The following IFT140 variants were observed in gnomAD, a reference collection of about 807,000 sequenced individuals.
IFT140 encodes intraflagellar transport 140, also known as intraflagellar transport protein 140 homolog.
IFT140 carries 133 observed loss-of-function variants against 164.6 expected under a neutral mutation model. The ratio of observed to expected loss-of-function variants is 0.81; its 90% CI spans 0.70 to 0.93. IFT140 has a LOEUF of 0.93. Among genes scored for constraint, IFT140 ranks in the 40% least tolerant of loss-of-function variants. The probability of loss-of-function intolerance (pLI) is 0.00; values close to 1 mark genes in which losing one functional copy is unlikely to be tolerated. For synonymous variants in IFT140, 860 were observed against 817.3 expected (o/e 1.05, Z -0.89); for missense variants, 2,045 against 1,972.3 (o/e 1.04, Z -0.70).
intron 13 of IFT140, 27 bp from the exon 14 acceptor site, chr16:1,571,561 A>G (rs1394232144): frequency 1.3e-6 from 2 of 1,599,402 alleles, no homozygotes; most frequent in Non-Finnish European, 1.7e-6. Context: ...AGAAATGGAT[A>G]TATTTCATGT....
At chr16:1,521,942 G>T (rs2040539966) in intron 26 of IFT140, among the ~76,000 whole-genome samples, 3 of 151,172 alleles carry the variant, frequency 2.0e-5, no homozygotes. Flanking sequence ...AAAGAATATG[G>T]CTGAGCATGG....
intron 19 of IFT140, chr16:1,554,173 C>T: frequency 7.9e-7 from 1 of 1,262,668 alleles, no homozygotes; most frequent in Non-Finnish European, 1.0e-6. Context: ...GCCCTGGCCC[C>T]ATCTCCGCCC....
In IFT140 at chr16:1,512,398, C is replaced by T. The variant is rs117143480; in HGVS notation, c.4183-1248G>A. ...CTGGGTGAGGTGGTGCACGTGACCCCGGGTGGCGCTACAGCAGCAGCCAGG... is the reference window on the plus strand; with the variant it reads ...CTGGGTGAGGTGGTGCACGTGACCCTGGGTGGCGCTACAGCAGCAGCCAGG... On this transcript the variant is annotated intron_variant, in intron 30 of 30. Transcript: ENST00000426508. Among the ~76,000 whole-genome samples, 1,195 of 152,158 alleles carry T rather than the reference C, an allele frequency of 7.9e-3. 14 individuals carry two copies. The highest frequency in any genetic ancestry group is 0.045 in the Middle Eastern group (13 of 292).
At chr16:1,537,804 C>T (rs930879122) in intron 19 of IFT140, among the ~76,000 whole-genome samples, 5 of 152,212 alleles carry the variant, frequency 3.3e-5, no homozygotes, top group African/African-American at 4.8e-5. Flanking sequence ...CGAGCCAGAG[C>T]CTGGCGCTAG....
At position 1,571,017 on chromosome 16, in the gene IFT140, A is replaced by G. The variant is rs562288512; in HGVS notation, c.1652+390T>C. On this transcript the variant is annotated intron_variant, in intron 14 of 30. Transcript: ENST00000426508. ...AGCAGTCTTCTCGCCTTGGCCTCCC[A>G]AAGTGCTGGAAATACAGGTGTGAGC... Among the ~76,000 whole-genome samples the G allele has an allele frequency of 1.2e-4, 18 of 152,304 alleles. 1 individual carries two copies. The South Asian group carries it at 3.7e-3, about 32-fold the overall frequency.
chr16:1,611,380 G>C (rs978979621), intron 1 of IFT140, among the ~76,000 whole-genome samples: 36 of 149,388 alleles, frequency 2.4e-4, no homozygotes, highest in African/African-American at 8.4e-4. Flanking sequence ...GGCGCCTCTA[G>C]TCTCGGCTAC....
At chr16:1,541,805 G>A in intron 19 of IFT140, 1 of 1,295,538 alleles carries the variant, frequency 7.7e-7, no homozygotes, top group South Asian at 1.5e-5. Context: ...TGGAGGCACA[G>A]CCTGTGCCGA....
intron 7 of IFT140, among the ~76,000 whole-genome samples, chr16:1,588,594 G>A (rs1201994626): frequency 1.3e-5 from 2 of 151,706 alleles, no homozygotes; most frequent in African/African-American, 2.4e-5. Context: ...GTGGCCATCG[G>A]TGGACATGCT....
Position 1,586,115 on chromosome 16 carries a change from C to T in IFT140, c.1155+15G>A, listed in dbSNP as rs764275810. 8 of 1,610,376 alleles carry T rather than the reference C, an allele frequency of 5.0e-6. No homozygotes were observed. The highest frequency in any genetic ancestry group is 2.2e-5 in the South Asian group (2 of 91,078). On this transcript the variant is annotated intron_variant, in intron 10 of 30. Transcript: ENST00000426508. The stretch of plus-strand genomic sequence containing the variant: ...AGCAGAAAATGAGTGCACCGAACAC[C>T]CTTGGAGGCTGTACCTGGATTTGCG...
Position 1,562,101 on chromosome 16 carries a change from G to A in IFT140, c.2083C>T (p.Leu695=). The A allele has an allele frequency of 6.2e-7, 1 of 1,605,468 alleles. No homozygotes were observed. Among genetic ancestry groups the A allele is most frequent in the Non-Finnish European group, 8.5e-7 (1 of 1,176,372 alleles). Reference sequence around the variant, plus strand: ...TGCTCTTCGGAAATGAAGAAGGACAGGATCAAAACATCTGCCTGGGAGAGA... The same window carrying A: ...TGCTCTTCGGAAATGAAGAAGGACAAGATCAAAACATCTGCCTGGGAGAGA... The part of the protein sequence containing the change: ...RAGPAADVLI[L]SFFISEEHGF... Residue 695 remains leucine (L), a synonymous_variant, in exon 18 of 31, where the codon CTG becomes TTG. Transcript: ENST00000426508.
chr16:1,523,399 C>T (rs1002538126), intron 26 of IFT140, 119 bp downstream of exon 26: 101 of 1,105,296 alleles, frequency 9.1e-5, no homozygotes, highest in Middle Eastern at 3.0e-4. Context: ...GGGCACCCAC[C>T]GCAGCCTTCC....
In IFT140 at chr16:1,602,369, C is replaced by T; in HGVS notation, c.369+1G>A. 6.2e-7 allele frequency: 1 copy of T among 1,613,846 alleles called. No individual in the cohort carries two copies. Among genetic ancestry groups the T allele is most frequent in the Non-Finnish European group, 8.5e-7 (1 of 1,179,728 alleles). On this transcript the variant is annotated splice_donor_variant, in intron 4 of 30. Transcript: ENST00000426508. LOFTEE classifies it high-confidence loss of function. ...ACAGCGTCTTGCGCGTGTTGACTCA[C>T]CCTGTCCCCAGACAGCAGGCAGTTT...
At chr16:1,560,190 G>C (rs1486439851) in intron 18 of IFT140, among the ~76,000 whole-genome samples, 1 of 152,192 alleles carries the variant, frequency 6.6e-6, no homozygotes, top group Non-Finnish European at 1.5e-5. Flanking sequence ...AAGGAAACAT[G>C]CATTGACAGA....
At position 1,524,772 on chromosome 16, in the gene IFT140, C is replaced by T. The variant is rs200390733; in HGVS notation, c.2997+12G>A. On this transcript the variant is annotated intron_variant, in intron 23 of 30. Coordinates refer to ENST00000426508, the MANE Select transcript of IFT140 (RefSeq NM_014714.4). Reference sequence around the variant, plus strand: ...CGTGTCCGCCTGGCCGGCTCCCCTGCGGGGACCTTACCTTCTGGACATTGC... The same window carrying T: ...CGTGTCCGCCTGGCCGGCTCCCCTGTGGGGACCTTACCTTCTGGACATTGC... The T allele has an allele frequency of 2.1e-5, 33 of 1,600,352 alleles. No homozygotes were observed. The East Asian group carries it at 2.3e-4, about 11-fold the overall frequency.
In IFT140 at chr16:1,604,737, G is replaced by A. The variant is rs564797934; in HGVS notation, c.148-2146C>T. ...ATGGGAACCTGGAGGAGGGAAGGGC[G>A]GTTGGAAGGGCAAGCAGCAGCAGAC... is the stretch of plus-strand genomic sequence containing the variant. On this transcript the variant is annotated intron_variant, in intron 3 of 30. Transcript: ENST00000426508. Among the ~76,000 whole-genome samples, 6 of 152,208 alleles carry A rather than the reference G, an allele frequency of 3.9e-5. No homozygotes were observed. In the East Asian group the frequency reaches 5.8e-4, roughly 15 times the overall value.
chr16:1,511,183 C>A (rs370714873), intron 30 of IFT140, 33 bp from the exon 31 acceptor site: 1 of 1,567,758 alleles, frequency 6.4e-7, no homozygotes, highest in African/African-American at 1.3e-5. Flanking sequence ...ACTCAGCTTT[C>A]CTGAACAACC....
At chr16:1,579,388 G>A (rs1272270925) in intron 13 of IFT140, 2 of 152,124 alleles carry the variant, frequency 1.3e-5, no homozygotes, top group Non-Finnish European at 2.9e-5. Context: ...CACAAGCCAA[G>A]GAACAGCAAA....
chr16:1,604,992 A>AC (rs1257293389), intron 3 of IFT140, among the ~76,000 whole-genome samples: 2 of 152,044 alleles, frequency 1.3e-5, no homozygotes, highest in Non-Finnish European at 2.9e-5. Context: ...TCTCCTTGAA[A>AC]CACCCTAGAG....
chr16:1,574,370 C>T (rs1036606821), intron 13 of IFT140, among the ~76,000 whole-genome samples: 1 of 152,142 alleles, frequency 6.6e-6, no homozygotes, highest in Non-Finnish European at 1.5e-5. Flanking sequence ...CCTCAACCTC[C>T]CTAGGCTCAG....
Sources: gnomAD v4.1 joint callset for allele counts (sites outside exome capture counted in the v4.1 genomes callset) on GRCh38, gnomAD v4.1.1 for gene constraint, MANE v1.5 for transcripts, NCBI Gene and HGNC (gene_info 2026-07-23, HGNC 2026-07-21) for gene names.